Variants in DDX1 observed in about 807,000 individuals in gnomAD.
The protein encoded by DDX1 is ATP-dependent RNA helicase DDX1.
A neutral mutation model predicts 108.7 loss-of-function variants in DDX1; 28 were observed. The ratio of observed to expected loss-of-function variants is 0.26; its 90% CI spans 0.19 to 0.35. DDX1 has a LOEUF of 0.35. Among genes scored for constraint, DDX1 ranks in the 10% least tolerant of loss-of-function variants. The pLI is 1.00. For synonymous variants in DDX1, 295 were observed against 288.9 expected (o/e 1.02, Z -0.21); for missense variants, 710 against 884.5 (o/e 0.80, Z 2.50).
intron 6 of DDX1, among the ~76,000 whole-genome samples, chr2:15,601,231 A>G (rs1300817264): frequency 6.6e-6 from 1 of 152,168 alleles, no homozygotes; most frequent in African/African-American, 2.4e-5. Flanking sequence ...TTGAGAACTG[A>G]TGGAGTAAGT....
At position 15,627,072 on chromosome 2, in the gene DDX1, A is replaced by G; in HGVS notation, c.1613A>G (p.His538Arg). 1.2e-6 allele frequency: 2 copies of G among 1,610,322 alleles called. No homozygotes were observed. Among genetic ancestry groups the G allele is most frequent in the East Asian group, 4.5e-5 (2 of 44,768 alleles). The part of the protein sequence containing the change: ...QQGGGPDKKG[H>R]QFSCVCLHGD... ...TCACTAGGACCTGATAAAAAAGGAC[A>G]CCAGTTCTCATGTGTTTGTCTTCAT... Residue 538 changes from histidine (H) to arginine (R), a missense_variant, in exon 20 of 26, where the codon CAC becomes CGC. Transcript: ENST00000233084.
chr2:15,601,121 T>C (rs1004304203), intron 6 of DDX1, among the ~76,000 whole-genome samples: 7 of 152,162 alleles, frequency 4.6e-5, no homozygotes, highest in Non-Finnish European at 8.8e-5. Context: ...ATAAATAAAC[T>C]CCATTTTCCC....
At chr2:15,608,663 G>GT (rs569566545) in intron 13 of DDX1, among the ~76,000 whole-genome samples, 1,574 of 106,690 alleles carry the variant, frequency 0.015, 40 homozygotes, top group East Asian at 0.025. Context: ...TTTTTTTTAG[G>GT]TTTTTTTTTT....
At chr2:15,614,628 G>A (rs534044594) in intron 14 of DDX1, among the ~76,000 whole-genome samples, 15 of 152,264 alleles carry the variant, frequency 9.9e-5, no homozygotes, top group African/African-American at 2.6e-4. Flanking sequence ...GTTTCGGCCC[G>A]TTTTCCTCTC....
At chr2:15,594,494 T>A (rs1665468438) in intron 1 of DDX1, among the ~76,000 whole-genome samples, 1 of 152,184 alleles carries the variant, frequency 6.6e-6, no homozygotes, top group Admixed American at 6.5e-5. Flanking sequence ...TCATTTAGGA[T>A]GGGCCTTGAA....
At chr2:15,596,858 C>T in intron 4 of DDX1, 95 bp downstream of exon 4, 1 of 950,808 alleles carries the variant, frequency 1.1e-6, no homozygotes, top group Non-Finnish European at 1.6e-6. Context: ...AATAAAATAG[C>T]AACCTCCAAA....
chr2:15,612,204 C>T (rs1319489164), intron 13 of DDX1, among the ~76,000 whole-genome samples: 2 of 151,554 alleles, frequency 1.3e-5, no homozygotes, highest in African/African-American at 4.9e-5. Flanking sequence ...CCACCTCCTT[C>T]CTGGACGGGG....
intron 5 of DDX1, chr2:15,599,102 T>C (rs1464830065): frequency 2.0e-5 from 3 of 152,020 alleles, no homozygotes; most frequent in Admixed American, 2.0e-4. Context: ...AGCAAGCAAG[T>C]GAGGAGAAAA....
At chr2:15,620,823 C>A (rs191837138) in intron 17 of DDX1, among the ~76,000 whole-genome samples, 1 of 152,000 alleles carries the variant, frequency 6.6e-6, no homozygotes, top group Admixed American at 6.6e-5. Context: ...TATAAATATA[C>A]AATATTTTAG....
intron 3 of DDX1, 121 bp downstream of exon 3, chr2:15,595,674 C>T (rs1665485747): frequency 1.4e-6 from 1 of 730,524 alleles, no homozygotes; most frequent in African/African-American, 1.7e-5. Flanking sequence ...TGTATTCAGA[C>T]TATTAGGTAA....
chr2:15,608,112 G>A (rs1028328388), intron 13 of DDX1, among the ~76,000 whole-genome samples: 1 of 152,136 alleles, frequency 6.6e-6, no homozygotes, highest in Non-Finnish European at 1.5e-5. Context: ...TGACTTTGAA[G>A]AAGGCTATAC....
intron 20 of DDX1, 52 bp downstream of exon 20, chr2:15,627,197 C>T: frequency 2.8e-6 from 3 of 1,066,274 alleles, no homozygotes; most frequent in Non-Finnish European, 4.2e-6. Context: ...GGCATTATAT[C>T]TAGTTTTAAG....
intron 16 of DDX1, among the ~76,000 whole-genome samples, chr2:15,619,918 G>C (rs1361405397): frequency 6.6e-6 from 1 of 152,084 alleles, no homozygotes; most frequent in African/African-American, 2.4e-5. Flanking sequence ...TGAGAGAAGG[G>C]GACAGACAGT....
chr2:15,592,643 A>G (rs190906367), intron 1 of DDX1, among the ~76,000 whole-genome samples: 4 of 152,218 alleles, frequency 2.6e-5, no homozygotes, highest in South Asian at 2.1e-4. Flanking sequence ...CCTACAGTTG[A>G]TATTTTCGCC....
rs776749178 is a variant in DDX1 at position 15,605,927 on chromosome 2, C to A, written c.626-23C>A. The A allele has an allele frequency of 1.3e-5, 19 of 1,468,084 alleles. No homozygotes were observed. In the Admixed American group the frequency reaches 4.1e-4, roughly 32 times the overall value. 90.9% of individuals were successfully genotyped at this position (1,468,084 alleles called of 1,614,324 possible). ...AGGTCTTTTCTGATTGTTTTAATCT[C>A]TCTCTCTCTCTTGTTTTTTAAGGAA... On this transcript the variant is annotated intron_variant, in intron 10 of 25. Transcript: ENST00000233084.
intron 16 of DDX1, 128 bp from the exon 17 acceptor site, chr2:15,620,080 A>T (rs1051530281): frequency 3.7e-6 from 3 of 802,314 alleles, no homozygotes; most frequent in Non-Finnish European, 5.9e-6. Context: ...TTGTCGCTAC[A>T]TAGAGTAAGG....
chr2:15,625,414 A>G (rs78478895), intron 19 of DDX1, among the ~76,000 whole-genome samples: 2,048 of 152,266 alleles, frequency 0.013, 33 homozygotes, highest in South Asian at 0.037. Context: ...AGATTTGTAG[A>G]TTTCTTGAAT....
In DDX1 at chr2:15,608,566, GT is replaced by G. The variant is rs1232701427; in HGVS notation, c.956+1258del. 4.0e-5 allele frequency among the ~76,000 whole-genome samples: 6 copies of G among 148,914 alleles called. No homozygotes were observed. In the South Asian group the frequency reaches 1.3e-3, roughly 31 times the overall value. ...AAAGCAAGTGTTTCTTGGTTCATTG[GT>G]TTTTAGTATATTCACAAGGTGTGTA... On this transcript the variant is annotated intron_variant, in intron 13 of 25. Transcript: ENST00000233084.
At chr2:15,623,687 T>C in intron 19 of DDX1, 105 bp downstream of exon 19, 1 of 898,228 alleles carries the variant, frequency 1.1e-6, no homozygotes, top group Non-Finnish European at 1.7e-6. Context: ...TTTAAAGCAG[T>C]TGATGGCATA....
Sources: allele counts gnomAD v4.1 joint callset (sites outside exome capture counted in the v4.1 genomes callset), GRCh38; gene constraint gnomAD v4.1.1; transcripts MANE v1.5; gene names NCBI Gene and HGNC (gene_info 2026-07-23, HGNC 2026-07-21).